The following DNAJC5B variants were observed in gnomAD, a reference collection of about 807,000 sequenced individuals.
The protein encoded by DNAJC5B is dnaJ homolog subfamily C member 5B.
Under a neutral mutation model 24.7 loss-of-function variants are expected in DNAJC5B, and 23 were observed. That is an observed-to-expected ratio of 0.93 (90% CI 0.67 to 1.32). DNAJC5B has a LOEUF of 1.32. Ranked by LOEUF, DNAJC5B falls within the 40% of genes most tolerant of loss-of-function variation. The probability of loss-of-function intolerance (pLI) is 0.00; values close to 1 mark genes in which losing one functional copy is unlikely to be tolerated. For synonymous variants in DNAJC5B, 101 were observed against 90.1 expected (o/e 1.12, Z -0.68); for missense variants, 238 against 240.8 (o/e 0.99, Z 0.08).
At chr8:66,047,413 T>A (rs1181054015) in intron 2 of DNAJC5B, among the ~76,000 whole-genome samples, 1 of 152,226 alleles carries the variant, frequency 6.6e-6, no homozygotes, top group East Asian at 1.9e-4. Flanking sequence ...TTCTATCAGG[T>A]CTTGCAGGCC....
intron 1 of DNAJC5B, among the ~76,000 whole-genome samples, chr8:66,024,442 A>G (rs1310941777): frequency 8.7e-6 from 1 of 114,820 alleles, no homozygotes; most frequent in Non-Finnish European, 1.8e-5. Flanking sequence ...TTTTATTATT[A>G]TACTCTAAGT....
chr8:66,064,670 C>G (rs1455529121), intron 3 of DNAJC5B, among the ~76,000 whole-genome samples: 2 of 152,144 alleles, frequency 1.3e-5, no homozygotes, highest in East Asian at 3.8e-4. Context: ...CTGTATGCAG[C>G]CTACAGATTC....
chr8:66,083,497 A>G (rs1362588925), intron 5 of DNAJC5B, among the ~76,000 whole-genome samples: 2 of 152,164 alleles, frequency 1.3e-5, no homozygotes, highest in South Asian at 2.1e-4. Context: ...AGTTTATTTC[A>G]TATAGAAGAT....
chr8:66,040,642 G>A (rs979086424), intron 1 of DNAJC5B, among the ~76,000 whole-genome samples: 40 of 152,066 alleles, frequency 2.6e-4, no homozygotes, highest in Admixed American at 2.0e-3. Flanking sequence ...AGCGGCTCTC[G>A]ATCCAGGCAG....
chr8:66,095,207 G>A (rs1807923804), intron 5 of DNAJC5B, among the ~76,000 whole-genome samples: 2 of 151,804 alleles, frequency 1.3e-5, no homozygotes, highest in African/African-American at 2.4e-5. Flanking sequence ...GAACTTTCTG[G>A]GCTAGCATGT....
intron 5 of DNAJC5B, 152 bp from the exon 6 acceptor site, chr8:66,099,785 T>C: frequency 3.2e-6 from 2 of 619,572 alleles, no homozygotes; most frequent in East Asian, 2.9e-5. Flanking sequence ...GCCTCCTCCC[T>C]TTCGAAGTCC....
intron 1 of DNAJC5B, among the ~76,000 whole-genome samples, chr8:66,024,404 C>CTTTTTTTTTTTTTTTTTTTTATTTT (rs989285742): frequency 9.1e-6 from 1 of 109,394 alleles, no homozygotes; most frequent in African/African-American, 3.1e-5. Flanking sequence ...TTTCAGGATT[C>CTTTTTTTTTTTTTTTTTTTTATTTT]TTTTTTTTTT....
In DNAJC5B at chr8:66,080,488, G is replaced by A. The variant is rs551707091; in HGVS notation, c.445G>A (p.Glu149Lys). The change falls in exon 5 of 6, where the codon GAG becomes AAG. Residue 149 changes from glutamate (E) to lysine (K), a missense_variant. Transcript: ENST00000276570. ...CCGGCCCGAGTCATCAGTGCCAGAAGAGGACTTCTATGTGTCCCCAGAGGA... is the reference window on the plus strand; with the variant it reads ...CCGGCCCGAGTCATCAGTGCCAGAAAAGGACTTCTATGTGTCCCCAGAGGA... ...HCRPESSVPE[E>K]DFYVSPEDLE... 1.9e-6 allele frequency: 3 copies of A among 1,613,930 alleles called. No individual in the cohort carries two copies. The highest frequency in any genetic ancestry group is 2.5e-6 in the Non-Finnish European group (3 of 1,179,936).
rs1807572294 is a variant in DNAJC5B at position 66,080,543 on chromosome 8, A to G, written c.500A>G (p.Glu167Gly). ...GAGGAGCAGATCAAGTCTGACATGG[A>G]AAAAGGTGGGGTAGGATGAGAGCAG... ...DLEEQIKSDM[E>G]KDVDFPVFLQ... Residue 167 changes from glutamate to glycine, a missense_variant, in exon 5 of 6, where the codon GAA becomes GGA. Coordinates refer to ENST00000276570, the MANE Select transcript of DNAJC5B (RefSeq NM_033105.6). The G allele has an allele frequency of 1.2e-6, 2 of 1,602,674 alleles. No individual in the cohort carries two copies. Among genetic ancestry groups the G allele is most frequent in the Non-Finnish European group, 1.7e-6 (2 of 1,174,166 alleles).
At chr8:66,028,075 G>A (rs904150397) in intron 1 of DNAJC5B, among the ~76,000 whole-genome samples, 1 of 152,186 alleles carries the variant, frequency 6.6e-6, no homozygotes, top group Non-Finnish European at 1.5e-5. Context: ...TGCCCCAGGG[G>A]CTCAGAGCGA....
chr8:66,026,539 T>G (rs1461350251), intron 1 of DNAJC5B, among the ~76,000 whole-genome samples: 2 of 152,232 alleles, frequency 1.3e-5, no homozygotes, highest in Non-Finnish European at 2.9e-5. Context: ...CTTGCTGCCG[T>G]CCCCTGAGGC....
At chr8:66,039,025 T>A (rs1806548306) in intron 1 of DNAJC5B, among the ~76,000 whole-genome samples, 1 of 152,250 alleles carries the variant, frequency 6.6e-6, no homozygotes, top group Non-Finnish European at 1.5e-5. Context: ...TGAGTTAGAC[T>A]TTATTAGTGA....
At chr8:66,076,241 G>A (rs2128963737) in intron 3 of DNAJC5B, among the ~76,000 whole-genome samples, 1 of 152,320 alleles carries the variant, frequency 6.6e-6, no homozygotes, top group East Asian at 1.9e-4. Context: ...TAGAATATAT[G>A]TTGTGACGTT....
chr8:66,076,585 C>T (rs563235393), intron 3 of DNAJC5B, 75 bp from the exon 4 acceptor site: 1 of 1,465,948 alleles, frequency 6.8e-7, no homozygotes, highest in Non-Finnish European at 9.5e-7. Flanking sequence ...TACAAATGAA[C>T]AGTGCCCTTC....
intron 3 of DNAJC5B, among the ~76,000 whole-genome samples, chr8:66,060,774 A>G (rs543039562): frequency 6.6e-6 from 1 of 152,350 alleles, no homozygotes; most frequent in South Asian, 2.1e-4. Context: ...AGTCTCTGAC[A>G]CTATCAATGG....
intron 5 of DNAJC5B, 32 bp downstream of exon 5, chr8:66,080,580 G>A: frequency 1.3e-6 from 2 of 1,549,300 alleles, no homozygotes; most frequent in South Asian, 1.2e-5. Flanking sequence ...GGTAGTGAGT[G>A]TCCATTCATA....
chr8:66,028,385 A>G (rs1420093185), intron 1 of DNAJC5B, among the ~76,000 whole-genome samples: 1 of 152,220 alleles, frequency 6.6e-6, no homozygotes, highest in Non-Finnish European at 1.5e-5. Flanking sequence ...GACACCAGGA[A>G]GAATAAAATG....
At chr8:66,068,036 T>A (rs1052800409) in intron 3 of DNAJC5B, among the ~76,000 whole-genome samples, 2 of 152,238 alleles carry the variant, frequency 1.3e-5, no homozygotes, top group African/African-American at 4.8e-5. Flanking sequence ...ATCTTTAATA[T>A]TGGATTAAGA....
At chr8:66,065,539 G>A (rs1181280837) in intron 3 of DNAJC5B, among the ~76,000 whole-genome samples, 1 of 152,206 alleles carries the variant, frequency 6.6e-6, no homozygotes, top group Non-Finnish European at 1.5e-5. Context: ...TGGCTCCTGA[G>A]TCCCTAAGCC....
Sources: gnomAD v4.1 joint callset for allele counts (sites outside exome capture counted in the v4.1 genomes callset) on GRCh38, gnomAD v4.1.1 for gene constraint, MANE v1.5 for transcripts, NCBI Gene and HGNC (gene_info 2026-07-23, HGNC 2026-07-21) for gene names.